Variants in TRABD2B observed in about 807,000 individuals in gnomAD.
The protein encoded by TRABD2B is TraB domain containing 2B.
In TRABD2B, 14 loss-of-function variants were observed where a neutral mutation model predicts 40.1. The ratio of observed to expected loss-of-function variants is 0.35; its 90% CI spans 0.23 to 0.55. The LOEUF (loss-of-function observed/expected upper bound fraction) is 0.55. TRABD2B is among the 20% of genes least tolerant of loss of function. The probability of loss-of-function intolerance (pLI) is 0.90; values close to 1 mark genes in which losing one functional copy is unlikely to be tolerated. For missense variants in TRABD2B, 541 were observed against 648.6 expected (o/e 0.83, Z 1.80); for synonymous variants, 263 against 277.0 (o/e 0.95, Z 0.50).
chr1:47,935,053 G>A (rs1354270614), intron 2 of TRABD2B, among the ~76,000 whole-genome samples: 1 of 152,188 alleles, frequency 6.6e-6, no homozygotes, highest in African/African-American at 2.4e-5. Context: ...CATCCTGCAA[G>A]AAGCCTGCTC....
At chr1:47,786,347 C>CT (rs1176394463) in intron 4 of TRABD2B, among the ~76,000 whole-genome samples, 1 of 152,248 alleles carries the variant, frequency 6.6e-6, no homozygotes, top group Non-Finnish European at 1.5e-5. Flanking sequence ...TTCTCCTTCA[C>CT]TGATGGAGCA....
chr1:47,861,975 A>C (rs377629106), intron 2 of TRABD2B, among the ~76,000 whole-genome samples: 9 of 152,356 alleles, frequency 5.9e-5, no homozygotes, highest in South Asian at 2.1e-4. Context: ...AAATCAATTA[A>C]CATAATTCAT....
chr1:47,960,721 C>G (rs1386626295), intron 2 of TRABD2B, among the ~76,000 whole-genome samples: 1 of 152,268 alleles, frequency 6.6e-6, no homozygotes, highest in Middle Eastern at 3.4e-3. Flanking sequence ...AGGACCCAAA[C>G]AAACAGAAGA....
intron 2 of TRABD2B, among the ~76,000 whole-genome samples, chr1:47,872,555 G>C (rs1644159571): frequency 6.6e-6 from 1 of 152,286 alleles, no homozygotes; most frequent in East Asian, 1.9e-4. Context: ...TGTGCATGTG[G>C]GGAGGCAGCT....
At position 47,996,974 on chromosome 1, in the gene TRABD2B, C is replaced by G. The variant is rs1646102619; in HGVS notation, c.-185G>C. On this transcript the variant is annotated 5_prime_UTR_variant, in exon 1 of 7. Coordinates refer to ENST00000606738, the MANE Select transcript of TRABD2B (RefSeq NM_001194986.2). This position sits in a 1 kb window ranked among gnomAD's most constrained non-coding sequence, Gnocchi z 4.6. ...TGGGGGTTTCTCTGGGGCCGGGCTC[C>G]GTCTGTTGGAAGAGGGAGACCCTCT... The G allele has an allele frequency of 1.8e-6, 2 of 1,102,808 alleles. No homozygotes were observed. The highest frequency in any genetic ancestry group is 2.2e-6 in the Non-Finnish European group (2 of 906,938). The allele number at this position is 1,102,808 out of a possible 1,614,324, so 68.3% of individuals were successfully genotyped here.
chr1:47,866,368 G>A (rs539716352), intron 2 of TRABD2B, among the ~76,000 whole-genome samples: 2 of 152,242 alleles, frequency 1.3e-5, no homozygotes, highest in East Asian at 1.9e-4. Context: ...TTTAATTCCT[G>A]GAAGATCAGA....
intron 2 of TRABD2B, among the ~76,000 whole-genome samples, chr1:47,892,632 T>C (rs1346611107): frequency 2.6e-5 from 4 of 152,054 alleles, no homozygotes; most frequent in Non-Finnish European, 4.4e-5. Flanking sequence ...GCAAGGAGAC[T>C]AACAGAGGCT....
At chr1:47,901,962 A>C (rs1360226576) in intron 2 of TRABD2B, among the ~76,000 whole-genome samples, 2 of 152,144 alleles carry the variant, frequency 1.3e-5, no homozygotes, top group Admixed American at 1.3e-4. Context: ...GGTGCCCTAG[A>C]AACAGGCAGC....
intron 2 of TRABD2B, among the ~76,000 whole-genome samples, chr1:47,844,949 G>A (rs774546409): frequency 1.2e-4 from 18 of 152,104 alleles, no homozygotes; most frequent in Non-Finnish European, 1.8e-4. Flanking sequence ...AGTACACCTG[G>A]TCACATCCCT....
rs576460249 is a variant in TRABD2B, at chr1:47,802,189, C to T, written c.667-570G>A. Among the ~76,000 whole-genome samples, 51 of 152,298 alleles carry T rather than the reference C, an allele frequency of 3.3e-4. 1 individual carries two copies. The South Asian group carries it at 0.01, about 30-fold the overall frequency. ...CAAGCTCCTCTGTCCTCGGGGCCAC[C>T]GTGCCTGTGCCCAGCCAGATCTGTG... On this transcript the variant is annotated intron_variant, in intron 2 of 6. Coordinates refer to ENST00000606738, the MANE Select transcript of TRABD2B (RefSeq NM_001194986.2).
intron 2 of TRABD2B, among the ~76,000 whole-genome samples, chr1:47,871,654 C>G (rs1299722940): frequency 6.6e-6 from 1 of 152,140 alleles, no homozygotes; most frequent in Non-Finnish European, 1.5e-5. Flanking sequence ...GGGAGCTAAC[C>G]CTGCCCACTT....
At chr1:47,880,370 T>A (rs1408627155) in intron 2 of TRABD2B, among the ~76,000 whole-genome samples, 1 of 152,228 alleles carries the variant, frequency 6.6e-6, no homozygotes, top group Non-Finnish European at 1.5e-5. Context: ...GAATTGATCA[T>A]CAACCAATCG....
At chr1:47,939,633 C>T (rs1050625173) in intron 2 of TRABD2B, among the ~76,000 whole-genome samples, 1 of 152,180 alleles carries the variant, frequency 6.6e-6, no homozygotes, top group Non-Finnish European at 1.5e-5. Context: ...ATTCACCCAG[C>T]TCATGAGAAG....
intron 2 of TRABD2B, among the ~76,000 whole-genome samples, chr1:47,958,099 C>T (rs1464212827): frequency 1.3e-5 from 2 of 151,702 alleles, no homozygotes; most frequent in Admixed American, 6.6e-5. Flanking sequence ...ATTTCATATC[C>T]AGCCAAACTA....
rs1358213587 is a variant in TRABD2B, at chr1:47,761,114, CCAGG to C, written c.*4784_*4787del. The C allele has an allele frequency of 2.0e-5, 3 of 152,400 alleles. No individual in the cohort carries two copies. The highest frequency in any genetic ancestry group is 7.2e-5 in the African/African-American group (3 of 41,458). 9.4% of individuals were successfully genotyped at this position (152,400 alleles called of 1,614,324 possible). On this transcript the variant is annotated 3_prime_UTR_variant, in exon 7 of 7. Coordinates refer to ENST00000606738, the MANE Select transcript of TRABD2B (RefSeq NM_001194986.2). ...CCCTGCCCTCCAGCCCTAGAACTGCCCAGGCAGGAATCAAGGTCTTCATTTGACA... is the reference window on the plus strand; with the variant it reads ...CCCTGCCCTCCAGCCCTAGAACTGCCCAGGAATCAAGGTCTTCATTTGACA...
rs1391516602 is a variant in TRABD2B, at chr1:47,801,481, T to C, written c.805A>G (p.Thr269Ala). 6.5e-7 allele frequency: 1 copy of C among 1,535,936 alleles called. No individual in the cohort carries two copies. The highest frequency in any genetic ancestry group is 8.7e-7 in the Non-Finnish European group (1 of 1,146,810). ...DLSAVIFNHDTSQLPNFINTT... is the reference protein window; with the variant it reads ...DLSAVIFNHDASQLPNFINTT... ...TTGGAGAGGAGCCTCACCTGGGATG[T>C]GTCGTGGTTGAAGATGACTGCGCTG... Residue 269 changes from threonine (T) to alanine (A), a missense_variant, in exon 3 of 7, where the codon ACA becomes GCA. This residue lies in a region of TRABD2B where 369 missense variants were observed against 492.8 expected (regional missense o/e 0.75). Coordinates refer to ENST00000606738, the MANE Select transcript of TRABD2B (RefSeq NM_001194986.2).
chr1:47,808,862 A>C (rs1296993828), intron 2 of TRABD2B, among the ~76,000 whole-genome samples: 1 of 152,180 alleles, frequency 6.6e-6, no homozygotes, highest in Non-Finnish European at 1.5e-5. Flanking sequence ...AGTAGGGGCC[A>C]GTCTTTGAGG....
At chr1:47,905,941 T>G (rs552182498) in intron 2 of TRABD2B, among the ~76,000 whole-genome samples, 3 of 152,320 alleles carry the variant, frequency 2.0e-5, no homozygotes, top group Admixed American at 2.0e-4. Flanking sequence ...CCCTTGCACC[T>G]GCCGCTCTTA....
At chr1:47,962,318 A>G (rs181170681) in intron 2 of TRABD2B, among the ~76,000 whole-genome samples, 3 of 152,204 alleles carry the variant, frequency 2.0e-5, no homozygotes, top group African/African-American at 7.2e-5. Context: ...CATATGTACC[A>G]AACCTGCACG....
Sources: allele counts gnomAD v4.1 joint callset (sites outside exome capture counted in the v4.1 genomes callset), GRCh38; gene constraint gnomAD v4.1.1; regional missense constraint gnomAD v4.1.1; non-coding constraint Gnocchi (gnomAD v3.1); transcripts MANE v1.5; gene names NCBI Gene and HGNC (gene_info 2026-07-23, HGNC 2026-07-21).